The following MEIKIN variants were observed in gnomAD, a reference collection of about 807,000 sequenced individuals.
MEIKIN encodes the protein meiotic kinetochore factor, also known as meiosis-specific kinetochore protein.
rs1220526600 is a variant in MEIKIN, at chr5:131,878,959, A to T, written c.774+19T>A. ...GAAATGTATTATGATTTATGTAGTT[A>T]TTCTGCTTCAATACTTGCTTTTTTC... is the stretch of plus-strand genomic sequence containing the variant. On this transcript the variant is annotated intron_variant, in intron 9 of 12. Coordinates refer to ENST00000442687, the MANE Select transcript of MEIKIN (RefSeq NM_001303622.2). 5.0e-6 allele frequency: 2 copies of T among 397,812 alleles called. No homozygotes were observed. Among genetic ancestry groups the T allele is most frequent in the Middle Eastern group, 6.2e-4 (1 of 1,606 alleles). 24.6% of individuals were successfully genotyped at this position (397,812 alleles called of 1,614,324 possible).
In MEIKIN at chr5:131,819,765, A is replaced by ATTT. The variant is rs1167213249; in HGVS notation, c.976-905_976-903dup. Among the ~76,000 whole-genome samples the ATTT allele has an allele frequency of 8.5e-4, 55 of 64,574 alleles. 5 individuals carry two copies. Among genetic ancestry groups the ATTT allele is most frequent in the African/African-American group, 2.7e-3 (34 of 12,792 alleles). 42.4% of individuals were successfully genotyped at this position (64,574 alleles called of 152,430 possible). ...TAGGCATGCACCACTACATCCAGCT[A>ATTT]TTTTTTTTTTTTTTTTTTTTTTTTT... On this transcript the variant is annotated intron_variant, in intron 11 of 12. Transcript: ENST00000442687.
intron 8 of MEIKIN, among the ~76,000 whole-genome samples, chr5:131,888,206 G>T (rs1267325711): frequency 7.0e-6 from 1 of 143,340 alleles, no homozygotes; most frequent in Non-Finnish European, 1.5e-5. Context: ...ATGATTTATA[G>T]TCCTTTGGGT....
chr5:131,835,589 ATC>A (rs1214710232), intron 11 of MEIKIN, among the ~76,000 whole-genome samples: 6 of 151,932 alleles, frequency 3.9e-5, no homozygotes, highest in Admixed American at 6.6e-5. Context: ...TGGTGTATAT[ATC>A]TGTCTTTTTT....
rs778918988 is a variant in MEIKIN, at chr5:131,851,402, T to C, written c.856-19A>G. The C allele has an allele frequency of 1.3e-5, 5 of 397,484 alleles. No homozygotes were observed. In the Admixed American group the frequency reaches 2.2e-4, roughly 18 times the overall value. 24.6% of individuals were successfully genotyped at this position (397,484 alleles called of 1,614,324 possible). On this transcript the variant is annotated intron_variant, in intron 10 of 12. Coordinates refer to ENST00000442687, the MANE Select transcript of MEIKIN (RefSeq NM_001303622.2). ...AATCAATCTATAAAAGAATACATTA[T>C]TGTTTTGTGGAAGTTAAACATTGCA... is the stretch of plus-strand genomic sequence containing the variant.
intron 8 of MEIKIN, among the ~76,000 whole-genome samples, chr5:131,882,113 C>T (rs768293859): frequency 6.6e-6 from 1 of 152,144 alleles, no homozygotes; most frequent in Non-Finnish European, 1.5e-5. Flanking sequence ...ATCACAAATT[C>T]CTGGTATATC....
intron 8 of MEIKIN, among the ~76,000 whole-genome samples, chr5:131,911,021 T>A (rs1751327550): frequency 6.6e-6 from 1 of 152,118 alleles, no homozygotes; most frequent in Admixed American, 6.6e-5. Flanking sequence ...TATTCTTTGA[T>A]CTGTAAAACA....
At chr5:131,847,830 C>A (rs1426073849) in intron 11 of MEIKIN, among the ~76,000 whole-genome samples, 1 of 151,884 alleles carries the variant, frequency 6.6e-6, no homozygotes, top group Non-Finnish European at 1.5e-5. Flanking sequence ...AGTATTTTGT[C>A]TGACCAAAAT....
chr5:131,831,392 A>T (rs1003133585), intron 11 of MEIKIN, among the ~76,000 whole-genome samples: 1 of 151,510 alleles, frequency 6.6e-6, no homozygotes, highest in Non-Finnish European at 1.5e-5. Flanking sequence ...CTCAACAACA[A>T]AAAAAAAATT....
At chr5:131,877,021 T>C (rs890486402) in intron 9 of MEIKIN, among the ~76,000 whole-genome samples, 2 of 148,770 alleles carry the variant, frequency 1.3e-5, no homozygotes, top group African/African-American at 4.9e-5. Flanking sequence ...GGGCGAGGGA[T>C]AGCATTAGGA....
intron 8 of MEIKIN, 105 bp downstream of exon 8, chr5:131,911,710 A>T (rs1043166604): frequency 2.6e-6 from 1 of 386,848 alleles, no homozygotes; most frequent in Non-Finnish European, 4.6e-6. Context: ...CTGGGCTACT[A>T]ACTTTGTTAA....
chr5:131,887,110 C>T (rs1389606200), intron 8 of MEIKIN, among the ~76,000 whole-genome samples: 1 of 151,892 alleles, frequency 6.6e-6, no homozygotes, highest in Non-Finnish European at 1.5e-5. Flanking sequence ...TGATGGTTTG[C>T]TGAGAATGAT....
intron 12 of MEIKIN, among the ~76,000 whole-genome samples, chr5:131,810,811 T>C (rs1026196630): frequency 6.6e-6 from 1 of 152,222 alleles, no homozygotes; most frequent in Non-Finnish European, 1.5e-5. Flanking sequence ...TTGTTTTTTA[T>C]TTAATCAGCA....
At chr5:131,814,694 A>G (rs2149601252) in intron 12 of MEIKIN, among the ~76,000 whole-genome samples, 1 of 152,334 alleles carries the variant, frequency 6.6e-6, no homozygotes, top group African/African-American at 2.4e-5. Flanking sequence ...AATGAAGTGA[A>G]TATAGGATAA....
intron 8 of MEIKIN, among the ~76,000 whole-genome samples, chr5:131,891,330 C>T (rs574683657): frequency 6.6e-6 from 1 of 152,234 alleles, no homozygotes; most frequent in East Asian, 1.9e-4. Flanking sequence ...TAAAGTCTCC[C>T]ACTATTATTG....
intron 9 of MEIKIN, among the ~76,000 whole-genome samples, chr5:131,870,898 T>A (rs1188701181): frequency 6.6e-6 from 1 of 152,110 alleles, no homozygotes; most frequent in Non-Finnish European, 1.5e-5. Context: ...ACAGTGACAA[T>A]CTAGTGTAGT....
At chr5:131,900,502 A>G (rs2149638645) in intron 8 of MEIKIN, among the ~76,000 whole-genome samples, 1 of 152,014 alleles carries the variant, frequency 6.6e-6, no homozygotes, top group African/African-American at 2.4e-5. Flanking sequence ...CTTGTTCTGT[A>G]GGGGCAGAAC....
At chr5:131,898,882 C>T (rs1213472695) in intron 8 of MEIKIN, among the ~76,000 whole-genome samples, 7 of 152,238 alleles carry the variant, frequency 4.6e-5, no homozygotes, top group African/African-American at 1.4e-4. Context: ...TTGCACTTCC[C>T]GGGTAAGGCA....
At chr5:131,903,183 C>T (rs1293884743) in intron 8 of MEIKIN, among the ~76,000 whole-genome samples, 1 of 152,076 alleles carries the variant, frequency 6.6e-6, no homozygotes, top group Non-Finnish European at 1.5e-5. Context: ...GTCATTGGTA[C>T]ACCTAAAAGA....
At chr5:131,887,384 T>C (rs1341230689) in intron 8 of MEIKIN, among the ~76,000 whole-genome samples, 1 of 152,224 alleles carries the variant, frequency 6.6e-6, no homozygotes, top group African/African-American at 2.4e-5. Context: ...TCAAATGGTA[T>C]TTCTAGTTCT....
Sources: allele counts gnomAD v4.1 joint callset (sites outside exome capture counted in the v4.1 genomes callset), GRCh38; gene constraint gnomAD v4.1.1; transcripts MANE v1.5; gene names NCBI Gene and HGNC (gene_info 2026-07-23, HGNC 2026-07-21).